The following PCDH15 variants were observed in gnomAD, a reference collection of about 807,000 sequenced individuals.
The protein encoded by PCDH15 is protocadherin related 15, also known as protocadherin-15.
A neutral mutation model predicts 178.5 loss-of-function variants in PCDH15; 129 were observed. The ratio of observed to expected loss-of-function variants is 0.72; its 90% CI spans 0.63 to 0.84. The LOEUF (loss-of-function observed/expected upper bound fraction) is 0.84, where lower values mean the gene tolerates loss of function less well. Ranked by LOEUF, PCDH15 falls within the 40% of genes least tolerant of loss-of-function variation. The pLI is 0.00. For synonymous variants in PCDH15, 800 were observed against 732.0 expected, an observed-to-expected ratio of 1.09 and a Z score of -1.50; for missense variants, 2,230 against 2,099.9, an observed-to-expected ratio of 1.06 and a Z score of -1.21.
chr10:55,192,754 T>TATATATAC (rs1554839607), intron 1 of PCDH15, among the ~76,000 whole-genome samples: 2 of 149,550 alleles, frequency 1.3e-5, no homozygotes. Context: ...TATATATATA[T>TATATATAC]ACATATAGAT....
intron 1 of PCDH15, among the ~76,000 whole-genome samples, chr10:54,720,737 C>T (rs914266308): frequency 1.3e-5 from 2 of 151,938 alleles, no homozygotes; most frequent in Non-Finnish European, 2.9e-5. Flanking sequence ...CACTCTGATT[C>T]ATAAAACAAA....
chr10:54,086,340 T>C (rs2094516806), intron 16 of PCDH15, among the ~76,000 whole-genome samples: 1 of 152,100 alleles, frequency 6.6e-6, no homozygotes. Context: ...TTACCTCTGG[T>C]AACAAGCCAT....
intron 13 of PCDH15, among the ~76,000 whole-genome samples, chr10:54,157,413 C>T (rs1040852795): frequency 6.6e-6 from 1 of 152,224 alleles, no homozygotes; most frequent in African/African-American, 2.4e-5. Context: ...TCTGAAGCCA[C>T]AGCCTGAGCT....
At chr10:54,341,267 G>A (rs1053974115) in intron 6 of PCDH15, among the ~76,000 whole-genome samples, 15 of 152,136 alleles carry the variant, frequency 9.9e-5, no homozygotes, top group Admixed American at 3.9e-4. Context: ...GAGGGATCTG[G>A]TAGGTGGTGA....
chr10:55,568,025 A>C (rs1842336941), intron 2 of PCDH15, among the ~76,000 whole-genome samples: 1 of 152,014 alleles, frequency 6.6e-6, no homozygotes, highest in Non-Finnish European at 1.5e-5. Flanking sequence ...ATCATCAAAA[A>C]TTCAACATGA....
At chr10:55,538,879 TCCCTTCCTTCCTTTCC>T in intron 2 of PCDH15, among the ~76,000 whole-genome samples, 1 of 56,302 alleles carries the variant, frequency 1.8e-5, no homozygotes, top group South Asian at 7.5e-4. Context: ...CCTTCCTTCC[TCCCTTCCTTCCTTTCC>T]TTCCTTCCTT....
chr10:54,338,559 A>G (rs377050551), intron 6 of PCDH15, among the ~76,000 whole-genome samples: 1 of 152,304 alleles, frequency 6.6e-6, no homozygotes. Context: ...CATTTTCTGA[A>G]TTATCTCAAA....
At chr10:54,496,560 C>T (rs972295102) in intron 3 of PCDH15, among the ~76,000 whole-genome samples, 3 of 152,112 alleles carry the variant, frequency 2.0e-5, no homozygotes, top group African/African-American at 4.8e-5. Context: ...CAAAACAAAC[C>T]TTTATTTGAT....
chr10:54,092,669 G>A (rs115324542), intron 15 of PCDH15, among the ~76,000 whole-genome samples: 1,994 of 152,102 alleles, frequency 0.013, 38 homozygotes, highest in African/African-American at 0.045. Flanking sequence ...GATAGTAGAC[G>A]CTTGATATTT....
At chr10:55,218,175 A>G (rs767571398) in intron 1 of PCDH15, among the ~76,000 whole-genome samples, 11 of 151,990 alleles carry the variant, frequency 7.2e-5, no homozygotes, top group Non-Finnish European at 1.6e-4. Flanking sequence ...GAAAGCTCAG[A>G]GCAATGAAAT....
chr10:54,595,616 G>T (rs752729849), intron 2 of PCDH15, among the ~76,000 whole-genome samples: 1 of 152,108 alleles, frequency 6.6e-6, no homozygotes, highest in Non-Finnish European at 1.5e-5. Context: ...TGAAATGACA[G>T]AAATAGCATT....
At chr10:55,453,289 T>C (rs1054171868) in intron 2 of PCDH15, among the ~76,000 whole-genome samples, 2 of 152,202 alleles carry the variant, frequency 1.3e-5, no homozygotes, top group East Asian at 1.9e-4. Context: ...TCCCACATGA[T>C]AACATTTTCT....
At chr10:54,250,093 A>AT in intron 8 of PCDH15, among the ~76,000 whole-genome samples, 1 of 120,490 alleles carries the variant, frequency 8.3e-6, no homozygotes, top group East Asian at 2.3e-4. Context: ...TTTTTTTTGT[A>AT]TTATTGGTTT....
chr10:54,074,329 T>C (rs1194029156), intron 17 of PCDH15, among the ~76,000 whole-genome samples: 3 of 152,196 alleles, frequency 2.0e-5, no homozygotes, highest in Non-Finnish European at 4.4e-5. Context: ...TCTATAACAT[T>C]AAACAATAAC....
intron 3 of PCDH15, among the ~76,000 whole-genome samples, chr10:54,424,660 C>T (rs1340143684): frequency 2.0e-5 from 3 of 151,908 alleles, no homozygotes; most frequent in African/African-American, 7.3e-5. Context: ...ATATATACAC[C>T]ATGGAATACT....
At chr10:54,023,284 AT>A in intron 18 of PCDH15, 87 bp from the exon 19 acceptor site, 4 of 1,324,278 alleles carry the variant, frequency 3.0e-6, no homozygotes, top group Non-Finnish European at 4.2e-6. Context: ...AAATTATGGT[AT>A]TTTTCTAACC....
At chr10:54,073,751 G>A (rs921248663) in intron 17 of PCDH15, among the ~76,000 whole-genome samples, 6 of 152,060 alleles carry the variant, frequency 3.9e-5, no homozygotes, top group South Asian at 2.1e-4. Context: ...CTGAACACAC[G>A]GAATCTGGTC....
chr10:54,263,192 T>G (rs1279453430), intron 8 of PCDH15, among the ~76,000 whole-genome samples: 1 of 152,136 alleles, frequency 6.6e-6, no homozygotes, highest in Non-Finnish European at 1.5e-5. Context: ...GTAAGCACAG[T>G]AGACTGGTGG....
chr10:55,614,821 A>G (rs1843442272), intron 2 of PCDH15, among the ~76,000 whole-genome samples: 1 of 152,156 alleles, frequency 6.6e-6, no homozygotes, highest in Non-Finnish European at 1.5e-5. Context: ...TCATTCATAT[A>G]CAGTCATAAC....
Sources: gnomAD v4.1 joint callset for allele counts (sites outside exome capture counted in the v4.1 genomes callset) on GRCh38, gnomAD v4.1.1 for gene constraint, MANE v1.5 for transcripts, NCBI Gene and HGNC (gene_info 2026-07-23, HGNC 2026-07-21) for gene names.